SLAMF6: variants seen among roughly 807,000 people sequenced by gnomAD.
SLAMF6 encodes NK-T-B-antigen.
Under a neutral mutation model 38.3 loss-of-function variants are expected in SLAMF6, and 21 were observed. That is an observed-to-expected ratio of 0.55 (90% CI 0.39 to 0.79). The LOEUF is 0.79. Among genes scored for constraint, SLAMF6 ranks in the 30% least tolerant of loss-of-function variants. The pLI is 0.00. For missense variants in SLAMF6, 341 were observed against 385.3 expected (o/e 0.89, Z 0.96); for synonymous variants, 152 against 146.3 (o/e 1.04, Z -0.28).
chr1:160,495,354 T>A (rs1442854417), intron 2 of SLAMF6, among the ~76,000 whole-genome samples: 1 of 152,244 alleles, frequency 6.6e-6, no homozygotes, highest in African/African-American at 2.4e-5. Context: ...TTTTCTGATA[T>A]TGACTCATAA....
At chr1:160,486,789 T>C (rs1211826149) in intron 7 of SLAMF6, 35 bp from the exon 8 acceptor site, 1 of 1,612,874 alleles carries the variant, frequency 6.2e-7, no homozygotes, top group South Asian at 1.1e-5. Context: ...GTAGGTTAAT[T>C]GGAACTGGAA....
chr1:160,511,141 G>A (rs894696738), intron 1 of SLAMF6, among the ~76,000 whole-genome samples: 4 of 152,036 alleles, frequency 2.6e-5, no homozygotes, highest in African/African-American at 4.8e-5. Context: ...TTAATATGCC[G>A]ATACCACCAA....
chr1:160,506,856 G>C (rs1043134954), intron 1 of SLAMF6, among the ~76,000 whole-genome samples: 1 of 151,890 alleles, frequency 6.6e-6, no homozygotes, highest in African/African-American at 2.4e-5. Flanking sequence ...AAGTTGAAGA[G>C]GTTAAATGTA....
intron 2 of SLAMF6, 139 bp from the exon 3 acceptor site, chr1:160,491,527 G>T: frequency 1.6e-6 from 2 of 1,230,500 alleles, no homozygotes; most frequent in Non-Finnish European, 2.2e-6. Flanking sequence ...AAATGACTCT[G>T]CTTATATTGC....
chr1:160,502,487 TAGTC>T (rs1185000487), intron 1 of SLAMF6, among the ~76,000 whole-genome samples: 1 of 152,186 alleles, frequency 6.6e-6, no homozygotes, highest in Non-Finnish European at 1.5e-5. Context: ...AATAATATCT[TAGTC>T]AGCATTGTAT....
intron 5 of SLAMF6, 85 bp downstream of exon 5, chr1:160,490,113 T>G (rs1653201696): frequency 4.1e-6 from 6 of 1,450,082 alleles, no homozygotes; most frequent in Non-Finnish European, 5.8e-6. Flanking sequence ...TCTGTCATTA[T>G]CCAGCCCTCT....
rs368100967 is a variant in SLAMF6, at chr1:160,490,704, A to T, written c.647-19T>A. The T allele has an allele frequency of 8.1e-6, 13 of 1,610,644 alleles. No homozygotes were observed. In the African/African-American group the frequency reaches 1.6e-4, roughly 20 times the overall value. The stretch of plus-strand genomic sequence containing the variant: ...TTAACATCTGAAAAGAGAAAAAAGA[A>T]ATGACATTTGAGACACATCAAGTGA... On this transcript the variant is annotated intron_variant, in intron 3 of 7. Transcript: ENST00000368057.
intron 4 of SLAMF6, 35 bp downstream of exon 4, chr1:160,490,540 T>C: frequency 1.2e-6 from 2 of 1,604,814 alleles, no homozygotes; most frequent in South Asian, 1.1e-5. Context: ...ACTGGAACCT[T>C]GGAGAAGAGA....
At chr1:160,504,435 C>T (rs1654074496) in intron 1 of SLAMF6, among the ~76,000 whole-genome samples, 1 of 152,246 alleles carries the variant, frequency 6.6e-6, no homozygotes, top group South Asian at 2.1e-4. Context: ...TGTTTGATTG[C>T]CCTTTCCCCG....
chr1:160,497,483 T>C (rs950286291), intron 1 of SLAMF6, among the ~76,000 whole-genome samples: 1 of 152,176 alleles, frequency 6.6e-6, no homozygotes, highest in African/African-American at 2.4e-5. Flanking sequence ...TACCTCAACC[T>C]TCTCAGGATC....
intron 2 of SLAMF6, among the ~76,000 whole-genome samples, chr1:160,492,871 A>C (rs868307497): frequency 6.6e-6 from 1 of 152,182 alleles, no homozygotes; most frequent in Non-Finnish European, 1.5e-5. Context: ...ACATATGTCC[A>C]AAATGTAACC....
At chr1:160,522,469 G>T (rs1655027288) in intron 1 of SLAMF6, among the ~76,000 whole-genome samples, 1 of 152,138 alleles carries the variant, frequency 6.6e-6, no homozygotes, top group Non-Finnish European at 1.5e-5. Flanking sequence ...ACCACTTGTA[G>T]TTCCCCAAAT....
At chr1:160,492,542 G>A (rs756475002) in intron 2 of SLAMF6, among the ~76,000 whole-genome samples, 1 of 152,042 alleles carries the variant, frequency 6.6e-6, no homozygotes, top group Non-Finnish European at 1.5e-5. Flanking sequence ...GCAAATATTT[G>A]GCATGAAAAT....
In SLAMF6 at chr1:160,487,094, G is replaced by A. The variant is rs775198983; in HGVS notation, c.951+10C>T. Reference sequence around the variant, plus strand: ...AAGAATATAAAAACATGGAGCAATCGTGGGCTTACCTCTTTGGAATGATTA... The same window carrying A: ...AAGAATATAAAAACATGGAGCAATCATGGGCTTACCTCTTTGGAATGATTA... On this transcript the variant is annotated intron_variant, in intron 7 of 7. Transcript: ENST00000368057. 1.6e-5 allele frequency: 26 copies of A among 1,597,960 alleles called. No homozygotes were observed. The highest frequency in any genetic ancestry group is 6.9e-6 in the Non-Finnish European group (8 of 1,166,322).
At chr1:160,519,918 C>T (rs1340676190) in intron 1 of SLAMF6, among the ~76,000 whole-genome samples, 2 of 152,084 alleles carry the variant, frequency 1.3e-5, no homozygotes, top group Non-Finnish European at 2.9e-5. Context: ...AAAATTATTA[C>T]ATCCTGTTAC....
intron 2 of SLAMF6, among the ~76,000 whole-genome samples, chr1:160,492,875 T>A (rs1291437254): frequency 6.6e-6 from 1 of 152,136 alleles, no homozygotes; most frequent in Non-Finnish European, 1.5e-5. Flanking sequence ...ATGTCCAAAA[T>A]GTAACCACTT....
In SLAMF6 at chr1:160,489,183, G is replaced by A; in HGVS notation, c.797-13C>T. The A allele has an allele frequency of 6.2e-7, 1 of 1,613,686 alleles. No individual in the cohort carries two copies. Among genetic ancestry groups the A allele is most frequent in the Non-Finnish European group, 8.5e-7 (1 of 1,179,734 alleles). On this transcript the variant is annotated splice_polypyrimidine_tract_variant and intron_variant, in intron 5 of 7. Coordinates refer to ENST00000368057, the MANE Select transcript of SLAMF6 (RefSeq NM_001184714.2). ...CTTGCGGACTCTGCTGTTAACATAG[G>A]AAGGCACAGTCAATGGCACAAGGAC...
rs1266120819 is a variant in SLAMF6, at chr1:160,518,879, T to C, written c.49+4265A>G. On this transcript the variant is annotated intron_variant, in intron 1 of 7. Coordinates refer to ENST00000368057, the MANE Select transcript of SLAMF6 (RefSeq NM_001184714.2). ...AACCACCAGGGCACATGTTTACCTA[T>C]GTAACAAACTTGCATATCCTGCACG... 5.3e-5 allele frequency among the ~76,000 whole-genome samples: 8 copies of C among 152,198 alleles called. No individual in the cohort carries two copies. In the East Asian group the frequency reaches 1.5e-3, roughly 29 times the overall value.
chr1:160,512,663 C>A (rs1398388871), intron 1 of SLAMF6, among the ~76,000 whole-genome samples: 1 of 152,172 alleles, frequency 6.6e-6, no homozygotes, highest in Non-Finnish European at 1.5e-5. Flanking sequence ...AAGCAGGCAG[C>A]CATCTTTGCG....
Sources: allele counts gnomAD v4.1 joint callset (sites outside exome capture counted in the v4.1 genomes callset), GRCh38; gene constraint gnomAD v4.1.1; transcripts MANE v1.5; gene names NCBI Gene and HGNC (gene_info 2026-07-23, HGNC 2026-07-21).